The following ZCWPW1 variants were observed in gnomAD, a reference collection of about 807,000 sequenced individuals.
The protein encoded by ZCWPW1 is zinc finger CW-type PWWP domain protein 1.
Under a neutral mutation model 81.3 loss-of-function variants are expected in ZCWPW1, and 56 were observed. That is an observed-to-expected ratio of 0.69 (90% CI 0.56 to 0.86). ZCWPW1 has a LOEUF of 0.86. Ranked by LOEUF, ZCWPW1 falls within the 40% of genes least tolerant of loss-of-function variation. ZCWPW1 has a pLI of 0.00. For synonymous variants in ZCWPW1, 250 were observed against 273.7 expected (o/e 0.91, Z 0.86); for missense variants, 650 against 769.8 (o/e 0.84, Z 1.84).
chr7:100,402,901 C>G (rs1792220744), intron 15 of ZCWPW1, among the ~76,000 whole-genome samples: 1 of 152,020 alleles, frequency 6.6e-6, no homozygotes, highest in African/African-American at 2.4e-5. Flanking sequence ...GCTAAGAAAA[C>G]AAGTGAATGA....
intron 10 of ZCWPW1, 55 bp downstream of exon 10, chr7:100,408,484 A>C (rs1490627778): frequency 6.3e-6 from 10 of 1,595,488 alleles, no homozygotes; most frequent in Non-Finnish European, 8.5e-6. Flanking sequence ...CCCCTGCTTG[A>C]ATCTACCTCT....
intron 12 of ZCWPW1, among the ~76,000 whole-genome samples, chr7:100,406,109 T>C (rs1792946833): frequency 6.6e-6 from 1 of 152,218 alleles, no homozygotes; most frequent in African/African-American, 2.4e-5. Flanking sequence ...ATTGAGCCTC[T>C]GCTCAATTGC....
At chr7:100,412,590 T>G (rs146673947) in intron 8 of ZCWPW1, among the ~76,000 whole-genome samples, 1 of 152,186 alleles carries the variant, frequency 6.6e-6, no homozygotes, top group Non-Finnish European at 1.5e-5. Context: ...TTTTTTTATT[T>G]ATTTTTTTTG....
At chr7:100,411,364 T>C (rs1051096513) in intron 8 of ZCWPW1, among the ~76,000 whole-genome samples, 4 of 152,044 alleles carry the variant, frequency 2.6e-5, no homozygotes, top group African/African-American at 9.7e-5. Flanking sequence ...CTTCCCAGGT[T>C]CCAGTGATCC....
chr7:100,404,305 C>T lies in ZCWPW1; in HGVS notation c.1255-61G>A, dbSNP rs1344363781. On this transcript the variant is annotated intron_variant, in intron 13 of 17. Coordinates refer to ENST00000684423, the MANE Select transcript of ZCWPW1 (RefSeq NM_001386010.1). Reference sequence around the variant, plus strand: ...CCCTTTCAGGCGCAGCTTTTGCCTTCTGTCTTCTGGAATTTAGTTATGATG... The same window carrying T: ...CCCTTTCAGGCGCAGCTTTTGCCTTTTGTCTTCTGGAATTTAGTTATGATG... 4 of 1,456,862 alleles carry T rather than the reference C, an allele frequency of 2.7e-6. No individual in the cohort carries two copies. In the African/African-American group the frequency reaches 5.6e-5, roughly 21 times the overall value. 90.2% of individuals were successfully genotyped at this position (1,456,862 alleles called of 1,614,324 possible).
intron 11 of ZCWPW1, among the ~76,000 whole-genome samples, 197 bp downstream of exon 11, chr7:100,407,031 A>G (rs1027473677): frequency 6.6e-6 from 1 of 152,230 alleles, no homozygotes; most frequent in Non-Finnish European, 1.5e-5. Context: ...CTGACAGTGG[A>G]TAAATATTTA....
In ZCWPW1 at chr7:100,401,307, T is replaced by C; in HGVS notation, c.1657A>G (p.Ser553Gly). Residue 553 changes from serine (S) to glycine (G), a missense_variant, in exon 18 of 18, where the codon AGC (serine) becomes GGC (glycine). Transcript: ENST00000684423. ...GAAAAGCTGGCTGCCAAGGCCTTGCTCTGGGGAGCTTTAAATTTTTTCTTA... is the reference window on the plus strand; with the variant it reads ...GAAAAGCTGGCTGCCAAGGCCTTGCCCTGGGGAGCTTTAAATTTTTTCTTA... ...GPKKKFKAPQ[S>G]KALAASFSEG... is the part of the protein sequence containing the mutation. 2 of 1,564,768 alleles carry C rather than the reference T, an allele frequency of 1.3e-6. No homozygotes were observed. The highest frequency in any genetic ancestry group is 1.7e-6 in the Non-Finnish European group (2 of 1,158,788).
intron 13 of ZCWPW1, among the ~76,000 whole-genome samples, chr7:100,404,577 C>G (rs998660980): frequency 7.2e-5 from 11 of 152,054 alleles, no homozygotes; most frequent in African/African-American, 2.4e-4. Context: ...CTAGGCTGGT[C>G]TTGAACTCCT....
In ZCWPW1 at chr7:100,419,711, T is replaced by A; in HGVS notation, c.201A>T (p.Ala67=). 1.2e-6 allele frequency: 2 copies of A among 1,614,150 alleles called. No individual in the cohort carries two copies. Among genetic ancestry groups the A allele is most frequent in the Non-Finnish European group, 1.7e-6 (2 of 1,180,040 alleles). Residue 67 remains alanine, a synonymous_variant, in exon 4 of 18, where the codon GCA becomes GCT. Coordinates refer to ENST00000684423, the MANE Select transcript of ZCWPW1 (RefSeq NM_001386010.1). ...KASLKKKEEK[A]TMKNVPSREQ... ...CCCTGCTTGGAACATTCTTCATGGT[T>A]GCTTTTTCCTCTTTCTTCTTTAAAC...
chr7:100,401,029 C>A lies in ZCWPW1; in HGVS notation c.1935G>T (p.Ala645=). The stretch of plus-strand genomic sequence containing the variant: ...GGAGCACCAGCTACTTCCCAAACAG[C>A]GCCACGGGGAAGTCCTCGCCATCAC... ...SNSDGEDFPV[A]LFGK The change falls in exon 18 of 18, where the codon GCG becomes GCT. Residue 645 remains alanine (A), a synonymous_variant. Coordinates refer to ENST00000684423, the MANE Select transcript of ZCWPW1 (RefSeq NM_001386010.1). 2 of 1,608,140 alleles carry A rather than the reference C, an allele frequency of 1.2e-6. No homozygotes were observed. The highest frequency in any genetic ancestry group is 1.7e-6 in the Non-Finnish European group (2 of 1,176,020).
chr7:100,419,508 G>A, intron 4 of ZCWPW1, 122 bp downstream of exon 4: 1 of 1,477,330 alleles, frequency 6.8e-7, no homozygotes, highest in Non-Finnish European at 9.0e-7. Context: ...CCTCAAAAAG[G>A]AATACAAACC....
intron 8 of ZCWPW1, among the ~76,000 whole-genome samples, 175 bp downstream of exon 8, chr7:100,415,800 T>C (rs1045566363): frequency 6.6e-6 from 1 of 152,248 alleles, no homozygotes; most frequent in Non-Finnish European, 1.5e-5. Flanking sequence ...CTATGGATTA[T>C]GTGAATAAAT....
rs1792134405 is a variant in ZCWPW1, at chr7:100,402,533, T to C, written c.1457A>G (p.Gln486Arg). The C allele has an allele frequency of 9.3e-6, 15 of 1,614,174 alleles. No individual in the cohort carries two copies. The East Asian group carries it at 3.3e-4, about 36-fold the overall frequency. ...CTGCTTACCTCTTGGCTTGGTTTTT[T>C]GGGTCTGTATTTTGACTCGCTTACG... ...PIRKRVKIQT[Q>R]KTKPRGLGGD... The change falls in exon 16 of 18, where the codon CAA becomes CGA. Residue 486 changes from glutamine (Q) to arginine (R), a missense_variant. Gln to Arg is a conservative substitution (Grantham distance 43). Coordinates refer to ENST00000684423, the MANE Select transcript of ZCWPW1 (RefSeq NM_001386010.1).
chr7:100,408,517 T>A (rs1162827137), intron 10 of ZCWPW1, 22 bp downstream of exon 10: 1 of 1,607,938 alleles, frequency 6.2e-7, no homozygotes, highest in Non-Finnish European at 8.5e-7. Context: ...AAGGATGCTC[T>A]GACTGTGTCA....
At chr7:100,428,321 C>T (rs1798131273) in intron 1 of ZCWPW1, among the ~76,000 whole-genome samples, 1 of 152,198 alleles carries the variant, frequency 6.6e-6, no homozygotes, top group Non-Finnish European at 1.5e-5. Flanking sequence ...GGCCGAGGCG[C>T]ATGCGCAACT....
rs1795920981 is a variant in ZCWPW1 at position 100,419,258 on chromosome 7, G to A, written c.283-69C>T. On this transcript the variant is annotated intron_variant, in intron 4 of 17. Coordinates refer to ENST00000684423, the MANE Select transcript of ZCWPW1 (RefSeq NM_001386010.1). The stretch of plus-strand genomic sequence containing the variant: ...TAGTTTTCCCCTCTGAACAGTCAGG[G>A]AAGCCTCCTTCAGATGAGGCAGTAA... 5.8e-6 allele frequency: 8 copies of A among 1,389,366 alleles called. No homozygotes were observed. The Admixed American group carries it at 5.9e-5, about 10-fold the overall frequency. The allele number at this position is 1,389,366 out of a possible 1,614,324, so 86.1% of individuals were successfully genotyped here. A position where few individuals can be genotyped will look rare whatever the true frequency, so the allele number is the denominator to read the frequency against.
rs986570638 is a variant in ZCWPW1 at position 100,419,280 on chromosome 7, G to GT, written c.283-92dup. 101 of 1,132,872 alleles carry GT rather than the reference G, an allele frequency of 8.9e-5. 2 individuals carry two copies. The Admixed American group carries it at 1.8e-3, about 20-fold the overall frequency. The allele number at this position is 1,132,872 out of a possible 1,614,324, so 70.2% of individuals were successfully genotyped here. ...AGGGAAGCCTCCTTCAGATGAGGCA[G>GT]TAAGTTTATAAGACGGAAGGCATGC... On this transcript the variant is annotated intron_variant, in intron 4 of 17. Coordinates refer to ENST00000684423, the MANE Select transcript of ZCWPW1 (RefSeq NM_001386010.1).
intron 1 of ZCWPW1, among the ~76,000 whole-genome samples, chr7:100,426,557 T>A (rs1010198962): frequency 1.3e-5 from 2 of 152,042 alleles, no homozygotes; most frequent in African/African-American, 4.8e-5. Context: ...TCTTCCTTTT[T>A]GCATTAATAA....
chr7:100,401,330 T>C lies in ZCWPW1; in HGVS notation c.1634A>G (p.Lys545Arg), dbSNP rs1331032234. Residue 545 changes from lysine (K) to arginine (R), a missense_variant, in exon 18 of 18, where the codon AAG becomes AGG. Coordinates refer to ENST00000684423, the MANE Select transcript of ZCWPW1 (RefSeq NM_001386010.1). ...GNSDSDQPGP[K>R]KKFKAPQSKA... ...GCTCTGGGGAGCTTTAAATTTTTTC[T>C]TAGGGCCTAAATGAGAAGGTGACAA... 1.3e-6 allele frequency: 2 copies of C among 1,544,998 alleles called. No individual in the cohort carries two copies. Among genetic ancestry groups the C allele is most frequent in the Non-Finnish European group, 1.7e-6 (2 of 1,149,170 alleles).
Sources: gnomAD v4.1 joint callset for allele counts (sites outside exome capture counted in the v4.1 genomes callset) on GRCh38, gnomAD v4.1.1 for gene constraint, MANE v1.5 for transcripts, NCBI Gene and HGNC (gene_info 2026-07-23, HGNC 2026-07-21) for gene names.